Variants in MMP19 observed in about 807,000 individuals in gnomAD.
MMP19 encodes matrix metalloproteinase-19.
Under a neutral mutation model 46.6 loss-of-function variants are expected in MMP19, and 47 were observed. The observed-to-expected ratio is 1.01, with a 90% CI of 0.80 to 1.29. The LOEUF (loss-of-function observed/expected upper bound fraction) is 1.29. Among genes scored for constraint, MMP19 ranks in the 50% most tolerant of loss-of-function variants. MMP19 has a pLI of 0.00. For synonymous variants in MMP19, 222 were observed against 248.5 expected (o/e 0.89, Z 1.00); for missense variants, 589 against 643.5 (o/e 0.92, Z 0.92).
intron 6 of MMP19, 93 bp from the exon 7 acceptor site, chr12:55,838,100 T>A: frequency 8.3e-7 from 1 of 1,210,524 alleles, no homozygotes; most frequent in Non-Finnish European, 1.1e-6. Context: ...ATTTGCCCTC[T>A]CCCTGCAGGC....
Position 55,840,831 on chromosome 12 carries a change from G to A in MMP19, c.356C>T (p.Thr119Ile). 1 of 1,603,648 alleles carries A rather than the reference G, an allele frequency of 6.2e-7. No individual in the cohort carries two copies. The highest frequency in any genetic ancestry group is 1.3e-5 in the African/African-American group (1 of 74,786). Residue 119 changes from threonine to isoleucine, a missense_variant, in exon 4 of 9, where the codon ACC becomes ATC. Transcript: ENST00000322569. ...LTFRILNLPS[T>I]LPPHTARAAL... ...TGCCCGGGCTGTGTGGGGTGGAAGG[G>A]TGGAGGGCAGGTTCAAGATGCGGAA...
At chr12:55,840,350 G>A (rs1335542827) in intron 4 of MMP19, among the ~76,000 whole-genome samples, 7 of 137,498 alleles carry the variant, frequency 5.1e-5, no homozygotes, top group African/African-American at 1.9e-4. Flanking sequence ...GAGGGAGGGA[G>A]GGAGGGAGAG....
At chr12:55,841,301 C>G in intron 2 of MMP19, 65 bp from the exon 3 acceptor site, 1 of 1,564,926 alleles carries the variant, frequency 6.4e-7, no homozygotes, top group Non-Finnish European at 8.7e-7. Context: ...GAGATGATTG[C>G]TCTTTGACTT....
Position 55,838,735 on chromosome 12 carries a change from C to G in MMP19, c.767-1G>C. ...TCCCTTATCACTGGACTCTTCTTGC[C>G]TATAAGGTAAAGTAATGCTGCTTAG... is the stretch of plus-strand genomic sequence containing the variant. On this transcript the variant is annotated splice_acceptor_variant, in intron 5 of 8. Coordinates refer to ENST00000322569, the MANE Select transcript of MMP19 (RefSeq NM_002429.6). LOFTEE classifies it high-confidence loss of function. 2 of 1,581,026 alleles carry G rather than the reference C, an allele frequency of 1.3e-6. No individual in the cohort carries two copies. The highest frequency in any genetic ancestry group is 1.7e-6 in the Non-Finnish European group (2 of 1,161,582).
At position 55,839,664 on chromosome 12, in the gene MMP19, T is replaced by C; in HGVS notation, c.598A>G (p.Thr200Ala). ...FDEDEFWTEGTYRGVNLRIIA... is the reference protein window; with the variant it reads ...FDEDEFWTEGAYRGVNLRIIA... ...ATGCGCAGGTTCACCCCACGGTAGG[T>C]CCCCTCAGTCCAGAACTCGTCTTCG... The change falls in exon 5 of 9, where the codon ACC becomes GCC. Residue 200 changes from threonine (T) to alanine (A), a missense_variant. Transcript: ENST00000322569. The C allele has an allele frequency of 6.2e-7, 1 of 1,614,182 alleles. No homozygotes were observed. The highest frequency in any genetic ancestry group is 1.1e-5 in the South Asian group (1 of 91,086).
intron 4 of MMP19, chr12:55,840,146 C>A: frequency 5.0e-6 from 1 of 200,636 alleles, no homozygotes; most frequent in Non-Finnish European, 1.0e-5. Context: ...GGCAACATAG[C>A]AAAACTTCAT....
rs1478399072 is a variant in MMP19 at position 55,842,455 on chromosome 12, G to A, written c.88-17C>T. ...CAGGTAGTCCTATGATGGGAGTGGA[G>A]GTAAGCAGGTTAAAAGGGGGTTAGT... On this transcript the variant is annotated splice_polypyrimidine_tract_variant and intron_variant, in intron 1 of 8. Coordinates refer to ENST00000322569, the MANE Select transcript of MMP19 (RefSeq NM_002429.6). The A allele has an allele frequency of 1.3e-6, 2 of 1,581,754 alleles. No homozygotes were observed. The highest frequency in any genetic ancestry group is 1.7e-6 in the Non-Finnish European group (2 of 1,151,110).
chr12:55,837,184 C>T lies in MMP19; in HGVS notation c.1379G>A (p.Gly460Asp). ...GTTGTGGGAAATATTTCTGGGATAG[C>T]CTTTCTCTACTCGAAGCTGCTGGTT... ...RLNQQLRVEK[G>D]YPRNISHNWM... Residue 460 changes from glycine to aspartate, a missense_variant, in exon 9 of 9, where the codon GGC becomes GAC. Physicochemically the swap from Gly to Asp is moderately conservative, Grantham distance 94. Transcript: ENST00000322569. The T allele has an allele frequency of 6.2e-7, 1 of 1,614,160 alleles. No homozygotes were observed. The highest frequency in any genetic ancestry group is 8.5e-7 in the Non-Finnish European group (1 of 1,180,032).
intron 6 of MMP19, 60 bp from the exon 7 acceptor site, chr12:55,838,067 G>C: frequency 1.3e-6 from 2 of 1,481,802 alleles, no homozygotes; most frequent in South Asian, 1.4e-5. Flanking sequence ...CAGAAACTTG[G>C]GGGTATCTCA....
At chr12:55,840,267 T>C (rs982468881) in intron 4 of MMP19, among the ~76,000 whole-genome samples, 1 of 150,600 alleles carries the variant, frequency 6.6e-6, no homozygotes, top group Non-Finnish European at 1.5e-5. Flanking sequence ...TGAGCCATGA[T>C]TGTGTCACTG....
Position 55,835,889 on chromosome 12 carries a change from G to A in MMP19, c.*1147C>T. The A allele has an allele frequency of 6.6e-6, 1 of 151,900 alleles. No homozygotes were observed. The highest frequency in any genetic ancestry group is 2.4e-5 in the African/African-American group (1 of 41,318). 9.4% of individuals were successfully genotyped at this position (151,900 alleles called of 1,614,324 possible). On this transcript the variant is annotated 3_prime_UTR_variant, in exon 9 of 9. Coordinates refer to ENST00000322569, the MANE Select transcript of MMP19 (RefSeq NM_002429.6). ...TCAACCTGGGGAAGACCACAGGGCA[G>A]TGCCTGCCTCAGGACCTGCCTTCCC...
chr12:55,841,516 TTC>T, intron 2 of MMP19: 1 of 229,346 alleles, frequency 4.4e-6, no homozygotes. Flanking sequence ...GCAATCTTCC[TTC>T]CTTCCTTCCT....
chr12:55,841,045 C>T (rs1881654304), intron 3 of MMP19, 61 bp downstream of exon 3: 1 of 1,592,616 alleles, frequency 6.3e-7, no homozygotes, highest in Non-Finnish European at 8.6e-7. Flanking sequence ...CCTAATGCCA[C>T]CCACACGCCA....
At position 55,837,240 on chromosome 12, in the gene MMP19, G is replaced by T; in HGVS notation, c.1323C>A (p.Tyr441Ter). The T allele has an allele frequency of 6.2e-7, 1 of 1,614,220 alleles. No homozygotes were observed. Among genetic ancestry groups the T allele is most frequent in the Non-Finnish European group, 8.5e-7 (1 of 1,180,038 alleles). The change falls in exon 9 of 9, where the codon TAC (tyrosine) becomes TAA (stop). Residue 441 changes from tyrosine (Y) to a stop codon, truncating the protein, a stop_gained. Coordinates refer to ENST00000322569, the MANE Select transcript of MMP19 (RefSeq NM_002429.6). LOFTEE classifies it low-confidence loss of function (END_TRUNC). ...GCCAGTAGACTTTGCCCTTGAAGAAGTAGACTCGGCCATCTTGCCAACTCA... is the reference window on the plus strand; with the variant it reads ...GCCAGTAGACTTTGCCCTTGAAGAATTAGACTCGGCCATCTTGCCAACTCA... Reference protein sequence around the residue: ...AAMSWQDGRVYFFKGKVYWRL... With the variant: ...AAMSWQDGRV
Position 55,840,805 on chromosome 12 carries a change from C to T in MMP19, c.382G>A (p.Ala128Thr), listed in dbSNP as rs750747930. 6.2e-7 allele frequency: 1 copy of T among 1,612,298 alleles called. No homozygotes were observed. Among genetic ancestry groups the T allele is most frequent in the South Asian group, 1.1e-5 (1 of 91,010 alleles). The change falls in exon 4 of 9, where the codon GCC becomes ACC. Residue 128 changes from alanine to threonine, a missense_variant. Transcript: ENST00000322569. ...CAGTCCTGGAAGGCTTGACGCAGGG[C>T]TGCCCGGGCTGTGTGGGGTGGAAGG... ...STLPPHTARAALRQAFQDWSN... is the reference protein window; with the variant it reads ...STLPPHTARATLRQAFQDWSN...
rs777337792 is a variant in MMP19 at position 55,839,570 on chromosome 12, G to A, written c.692C>T (p.Ala231Val). The change falls in exon 5 of 9, where the codon GCC (alanine) becomes GTC (valine). Residue 231 changes from alanine to valine, a missense_variant. Transcript: ENST00000322569. Reference sequence around the variant, plus strand: ...GGGCCGGTAGCCCTCGTAGACTGGGGCCATGAGGGCCTGGGAATATCGGGA... The same window carrying A: ...GGGCCGGTAGCCCTCGTAGACTGGGACCATGAGGGCCTGGGAATATCGGGA... ...GHSRYSQALM[A>V]PVYEGYRPHF... The A allele has an allele frequency of 1.2e-6, 2 of 1,614,192 alleles. No homozygotes were observed. The highest frequency in any genetic ancestry group is 8.5e-7 in the Non-Finnish European group (1 of 1,180,038).
At chr12:55,838,162 G>T (rs1007435378) in intron 6 of MMP19, 155 bp from the exon 7 acceptor site, 3 of 723,200 alleles carry the variant, frequency 4.1e-6, no homozygotes, top group Non-Finnish European at 6.6e-6. Flanking sequence ...ATTAAAGGCA[G>T]ACAAAGAGGA....
chr12:55,841,070 C>G (rs1229070594), intron 3 of MMP19, 36 bp downstream of exon 3: 3 of 1,600,966 alleles, frequency 1.9e-6, no homozygotes, highest in East Asian at 2.2e-5. Flanking sequence ...CACATCACCC[C>G]CTCCTCTCCC....
Position 55,840,868 on chromosome 12 carries a change from T to G in MMP19, c.319A>C (p.Lys107Gln). The G allele has an allele frequency of 1.9e-6, 3 of 1,586,838 alleles. No homozygotes were observed. Among genetic ancestry groups the G allele is most frequent in the Non-Finnish European group, 2.6e-6 (3 of 1,162,416 alleles). The change falls in exon 4 of 9, where the codon AAG becomes CAG. Residue 107 changes from lysine (K) to glutamine (Q), a missense_variant. Coordinates refer to ENST00000322569, the MANE Select transcript of MMP19 (RefSeq NM_002429.6). ...KYLLLGRWRK[K>Q]HLTFRILNLP... ...TTCAAGATGCGGAAAGTCAGGTGCT[T>G]CTTTCTCCAGCGGCCTAGTTAATGA...
Sources: gnomAD v4.1 joint callset for allele counts (sites outside exome capture counted in the v4.1 genomes callset) on GRCh38, gnomAD v4.1.1 for gene constraint, MANE v1.5 for transcripts, NCBI Gene and HGNC (gene_info 2026-07-23, HGNC 2026-07-21) for gene names.